PRKCA: variants seen among roughly 807,000 people sequenced by gnomAD.
PRKCA encodes the protein protein kinase C alpha type.
PRKCA carries 27 observed loss-of-function variants against 87.0 expected under a neutral mutation model. That is an observed-to-expected ratio of 0.31 (90% CI 0.23 to 0.43). PRKCA has a LOEUF of 0.43. PRKCA is among the 20% of genes least tolerant of loss of function. PRKCA has a pLI of 1.00. For synonymous variants in PRKCA, 329 were observed against 311.1 expected, an observed-to-expected ratio of 1.06 and a Z score of -0.61; for missense variants, 518 against 852.3, an observed-to-expected ratio of 0.61 and a Z score of 4.88.
intron 3 of PRKCA, among the ~76,000 whole-genome samples, chr17:66,533,814 G>A (rs906079581): frequency 3.9e-5 from 6 of 152,172 alleles, no homozygotes; most frequent in African/African-American, 1.4e-4. Context: ...GCAGAGGAAT[G>A]TGTTCCCCTG....
In PRKCA at chr17:66,392,240, A is replaced by AC. The variant is rs1029500149; in HGVS notation, c.205+86113_205+86114insC. ...GCAAGACTGTGTCTCAACAACAACA[A>AC]AAAAAAAAATGTGGTTACAGAGGAC... is the stretch of plus-strand genomic sequence containing the variant. On this transcript the variant is annotated intron_variant, in intron 2 of 16. Transcript: ENST00000413366. Among the ~76,000 whole-genome samples, 4 of 148,122 alleles carry AC rather than the reference A, an allele frequency of 2.7e-5. 1 individual carries two copies. The highest frequency in any genetic ancestry group is 1.1e-4 in the African/African-American group (4 of 37,752).
At chr17:66,425,507 C>A (rs1912751593) in intron 2 of PRKCA, among the ~76,000 whole-genome samples, 1 of 152,080 alleles carries the variant, frequency 6.6e-6, no homozygotes, top group Non-Finnish European at 1.5e-5. Context: ...TTGTTTGAGG[C>A]CTTTTGTTTT....
At chr17:66,390,989 G>A (rs764540228) in intron 2 of PRKCA, among the ~76,000 whole-genome samples, 13 of 138,884 alleles carry the variant, frequency 9.4e-5, no homozygotes, top group African/African-American at 1.6e-4. Flanking sequence ...AAGACTTCTG[G>A]TGCAGTCCAC....
intron 2 of PRKCA, among the ~76,000 whole-genome samples, chr17:66,438,427 A>G (rs1913531956): frequency 6.6e-6 from 1 of 152,012 alleles, no homozygotes; most frequent in African/African-American, 2.4e-5. Context: ...ACCTGTGAAC[A>G]CCCAACTGGG....
At chr17:66,496,807 C>A (rs1422748189) in intron 3 of PRKCA, among the ~76,000 whole-genome samples, 2 of 152,050 alleles carry the variant, frequency 1.3e-5, no homozygotes, top group Non-Finnish European at 2.9e-5. Flanking sequence ...CCACGCACAG[C>A]TAATTTTTGT....
intron 14 of PRKCA, among the ~76,000 whole-genome samples, chr17:66,779,901 T>C (rs1353909056): frequency 6.6e-6 from 1 of 152,152 alleles, no homozygotes; most frequent in African/African-American, 2.4e-5. Flanking sequence ...AATGGTAATG[T>C]ACTAAAGCAC....
chr17:66,778,380 G>A (rs1242981083), intron 14 of PRKCA: 4 of 293,120 alleles, frequency 1.4e-5, no homozygotes, highest in South Asian at 2.7e-4. Context: ...GCCGAGTGTG[G>A]TGGCGGGCGC....
chr17:66,480,676 C>G (rs1046981081), intron 2 of PRKCA, among the ~76,000 whole-genome samples: 10 of 152,052 alleles, frequency 6.6e-5, no homozygotes, highest in African/African-American at 2.4e-4. Flanking sequence ...TGTTCTGAGA[C>G]TGTTCTATGG....
intron 3 of PRKCA, among the ~76,000 whole-genome samples, chr17:66,592,343 C>CAAAAAAAAATAA (rs1969833739): frequency 1.2e-5 from 1 of 82,384 alleles, no homozygotes; most frequent in Admixed American, 1.4e-4. Flanking sequence ...TGATCCGTCT[C>CAAAAAAAAATAA]AAAAAAAAAA....
chr17:66,712,108 C>G (rs1973345391), intron 8 of PRKCA, among the ~76,000 whole-genome samples: 1 of 152,160 alleles, frequency 6.6e-6, no homozygotes, highest in African/African-American at 2.4e-5. Context: ...CTGGCCACAC[C>G]TGAATACACT....
intron 3 of PRKCA, among the ~76,000 whole-genome samples, chr17:66,635,889 T>C (rs75943832): frequency 0.054 from 8,171 of 152,216 alleles, 293 homozygotes; most frequent in Admixed American, 0.078. Context: ...GGATGAAGGG[T>C]ATGAAGGAAC....
intron 2 of PRKCA, among the ~76,000 whole-genome samples, chr17:66,405,636 G>A (rs1291581182): frequency 6.6e-6 from 1 of 152,206 alleles, no homozygotes; most frequent in Non-Finnish European, 1.5e-5. Flanking sequence ...GCTTTAAAAT[G>A]TAAATTTAGA....
At chr17:66,388,480 G>C (rs990713701) in intron 2 of PRKCA, among the ~76,000 whole-genome samples, 2 of 152,084 alleles carry the variant, frequency 1.3e-5, no homozygotes, top group Non-Finnish European at 2.9e-5. Flanking sequence ...TTTTAGTAGA[G>C]ACGGGATTTC....
At chr17:66,728,458 T>A (rs911391866) in intron 8 of PRKCA, among the ~76,000 whole-genome samples, 4 of 152,204 alleles carry the variant, frequency 2.6e-5, no homozygotes, top group African/African-American at 9.6e-5. Context: ...TCTGCCCAGC[T>A]CCACCTTGTG....
intron 3 of PRKCA, among the ~76,000 whole-genome samples, chr17:66,631,874 A>G (rs1463376709): frequency 6.6e-6 from 1 of 152,244 alleles, no homozygotes; most frequent in African/African-American, 2.4e-5. Context: ...TTGATTGATG[A>G]TGGAGCAAAA....
In PRKCA at chr17:66,330,732, G is replaced by T. The variant is rs561847724; in HGVS notation, c.205+24605G>T. 3.9e-5 allele frequency among the ~76,000 whole-genome samples: 6 copies of T among 152,254 alleles called. No homozygotes were observed. In the South Asian group the frequency reaches 1.2e-3, roughly 32 times the overall value. On this transcript the variant is annotated intron_variant, in intron 2 of 16. Transcript: ENST00000413366. ...AGATTGTGTACACTGACAATAACTA[G>T]ATTACAAAATTTTATAAATTAGTTA... is the stretch of plus-strand genomic sequence containing the variant.
intron 8 of PRKCA, among the ~76,000 whole-genome samples, chr17:66,721,211 A>G (rs1316760539): frequency 3.3e-5 from 5 of 152,098 alleles, no homozygotes; most frequent in Admixed American, 6.6e-5. Flanking sequence ...CCTGGCTAAC[A>G]TGGTGAAACC....
At chr17:66,604,628 T>C (rs1451228357) in intron 3 of PRKCA, among the ~76,000 whole-genome samples, 1 of 152,184 alleles carries the variant, frequency 6.6e-6, no homozygotes, top group Non-Finnish European at 1.5e-5. Context: ...GACATGCCAA[T>C]AGCATCTGCT....
chr17:66,758,819 T>C (rs1974615109), intron 13 of PRKCA, among the ~76,000 whole-genome samples: 1 of 152,224 alleles, frequency 6.6e-6, no homozygotes, highest in African/African-American at 2.4e-5. Flanking sequence ...GTTAAGTTTA[T>C]GATTATGAAA....
Sources: gnomAD v4.1 joint callset for allele counts (sites outside exome capture counted in the v4.1 genomes callset) on GRCh38, gnomAD v4.1.1 for gene constraint, MANE v1.5 for transcripts, NCBI Gene and HGNC (gene_info 2026-07-23, HGNC 2026-07-21) for gene names.